Variants in APBB2 observed in about 807,000 individuals in gnomAD.
APBB2 encodes the protein Fe65-like 1.
A neutral mutation model predicts 82.5 loss-of-function variants in APBB2; 38 were observed. The observed-to-expected ratio is 0.46, with a 90% CI of 0.36 to 0.60. The LOEUF (loss-of-function observed/expected upper bound fraction) is 0.60. Among genes scored for constraint, APBB2 ranks in the 20% least tolerant of loss-of-function variants. The pLI, the probability that APBB2 is intolerant of heterozygous loss-of-function variation, is 0.00. For missense variants in APBB2, 772 were observed against 972.3 expected (o/e 0.79, Z 2.74); for synonymous variants, 341 against 368.2 (o/e 0.93, Z 0.85).
intron 2 of APBB2, among the ~76,000 whole-genome samples, chr4:41,139,862 A>G (rs1758607525): frequency 6.6e-6 from 1 of 152,212 alleles, no homozygotes; most frequent in African/African-American, 2.4e-5. Flanking sequence ...GAAAGCTCAT[A>G]GAACATACAA....
At chr4:40,930,456 C>CGT (rs1783890735) in intron 10 of APBB2, among the ~76,000 whole-genome samples, 3 of 124,520 alleles carry the variant, frequency 2.4e-5, no homozygotes, top group African/African-American at 1.0e-4. Context: ...TGTGCGCGCG[C>CGT]GCGCGCGCGC....
chr4:40,937,094 C>T (rs1306447314), intron 7 of APBB2, among the ~76,000 whole-genome samples: 2 of 152,094 alleles, frequency 1.3e-5, no homozygotes, highest in Non-Finnish European at 2.9e-5. Flanking sequence ...CTTATATGGC[C>T]TCAAATTGTC....
chr4:41,014,574 A>G (rs942418366), intron 5 of APBB2, 176 bp from the exon 6 acceptor site: 4 of 672,902 alleles, frequency 5.9e-6, no homozygotes, highest in African/African-American at 1.8e-5. Context: ...ATTAAACAGG[A>G]GCAAATAAAG....
At chr4:40,932,285 G>A (rs547643546) in intron 10 of APBB2, among the ~76,000 whole-genome samples, 5 of 152,306 alleles carry the variant, frequency 3.3e-5, no homozygotes, top group South Asian at 2.1e-4. Flanking sequence ...CACAACCTGC[G>A]TTCCTTACCA....
chr4:40,841,168 C>T (rs1560667190), intron 12 of APBB2, among the ~76,000 whole-genome samples: 1 of 152,178 alleles, frequency 6.6e-6, no homozygotes, highest in Non-Finnish European at 1.5e-5. Context: ...AAAACAGCCA[C>T]CAGCAGAGGG....
chr4:40,866,448 AGCT>A (rs1036096657), intron 12 of APBB2, among the ~76,000 whole-genome samples: 1 of 151,844 alleles, frequency 6.6e-6, no homozygotes, highest in Admixed American at 6.6e-5. Context: ...AAAAGAAACA[AGCT>A]GCTATTTTCA....
chr4:40,860,804 C>T (rs906128857), intron 12 of APBB2, among the ~76,000 whole-genome samples: 1 of 151,964 alleles, frequency 6.6e-6, no homozygotes, highest in Non-Finnish European at 1.5e-5. Flanking sequence ...TTTTATATGA[C>T]CAGGTAATCA....
chr4:40,882,203 G>T (rs1768824792), intron 12 of APBB2, among the ~76,000 whole-genome samples: 1 of 152,202 alleles, frequency 6.6e-6, no homozygotes, highest in Non-Finnish European at 1.5e-5. Context: ...TCCTGAGAAA[G>T]CTCCCATGGA....
rs145050450 is a variant in APBB2 at position 41,044,470 on chromosome 4, T to A, written c.-50-11166A>T. Among the ~76,000 whole-genome samples, 577 of 152,336 alleles carry A rather than the reference T, an allele frequency of 3.8e-3. 3 individuals carry two copies. Among genetic ancestry groups the A allele is most frequent in the Middle Eastern group, 0.017 (5 of 294 alleles). ...TGAGATGTCCCAAGCTCATCTTACA[T>A]CTTTCCAGTTATTTTTGTTGTTTGA... On this transcript the variant is annotated intron_variant, in intron 4 of 17. Coordinates refer to ENST00000508593, the MANE Select transcript of APBB2 (RefSeq NM_004307.2).
At chr4:41,084,025 G>T (rs1442138137) in intron 3 of APBB2, among the ~76,000 whole-genome samples, 7 of 152,090 alleles carry the variant, frequency 4.6e-5, no homozygotes, top group African/African-American at 1.7e-4. Flanking sequence ...AATAAAATAT[G>T]TATTATAAAG....
At chr4:41,117,499 G>T (rs1214190202) in intron 2 of APBB2, among the ~76,000 whole-genome samples, 1 of 152,018 alleles carries the variant, frequency 6.6e-6, no homozygotes, top group African/African-American at 2.4e-5. Flanking sequence ...CACCATCTTG[G>T]CCAGGCTGGT....
chr4:40,984,779 T>C (rs1799969039), intron 6 of APBB2, among the ~76,000 whole-genome samples: 1 of 152,210 alleles, frequency 6.6e-6, no homozygotes, highest in Non-Finnish European at 1.5e-5. Flanking sequence ...ATAAAGAGGC[T>C]GACATACCCC....
At chr4:40,901,499 A>G (rs1775274179) in intron 10 of APBB2, among the ~76,000 whole-genome samples, 1 of 151,872 alleles carries the variant, frequency 6.6e-6, no homozygotes, top group African/African-American at 2.4e-5. Context: ...AGCTGACTTC[A>G]GGGTTTTTTT....
intron 10 of APBB2, among the ~76,000 whole-genome samples, chr4:40,909,274 T>G (rs551687794): frequency 6.6e-6 from 1 of 152,256 alleles, no homozygotes; most frequent in South Asian, 2.1e-4. Flanking sequence ...CAACCAGAAA[T>G]GCCAACTTAT....
chr4:40,991,907 G>C (rs1014505469), intron 6 of APBB2, among the ~76,000 whole-genome samples: 2 of 152,048 alleles, frequency 1.3e-5, no homozygotes, highest in Non-Finnish European at 2.9e-5. Context: ...CAATTAGAAA[G>C]TTATAACAAT....
At chr4:41,155,252 T>C (rs961539667) in intron 1 of APBB2, among the ~76,000 whole-genome samples, 4 of 152,232 alleles carry the variant, frequency 2.6e-5, no homozygotes, top group Non-Finnish European at 5.9e-5. Context: ...TTTTTGTTTT[T>C]GTTTTTGTTT....
At chr4:41,169,564 TA>T (rs1767679118) in intron 1 of APBB2, among the ~76,000 whole-genome samples, 1 of 152,228 alleles carries the variant, frequency 6.6e-6, no homozygotes, top group African/African-American at 2.4e-5. Context: ...TTCATTTTCC[TA>T]AATGGTTGTC....
At chr4:41,181,364 A>G (rs1172262554) in intron 1 of APBB2, among the ~76,000 whole-genome samples, 1 of 152,228 alleles carries the variant, frequency 6.6e-6, no homozygotes, top group African/African-American at 2.4e-5. Context: ...CAAGTGGGTT[A>G]ATTATACTTT....
intron 6 of APBB2, among the ~76,000 whole-genome samples, chr4:40,954,893 C>G (rs748713716): frequency 3.3e-5 from 5 of 152,068 alleles, no homozygotes; most frequent in African/African-American, 1.2e-4. Context: ...TTGGGTGATC[C>G]GCCCGCCTCG....
Sources: allele counts gnomAD v4.1 joint callset (sites outside exome capture counted in the v4.1 genomes callset), GRCh38; gene constraint gnomAD v4.1.1; transcripts MANE v1.5; gene names NCBI Gene and HGNC (gene_info 2026-07-23, HGNC 2026-07-21).